Variants in KCTD2 observed in about 807,000 individuals in gnomAD.
KCTD2 encodes the protein BTB/POZ domain-containing protein KCTD2.
Under a neutral mutation model 27.9 loss-of-function variants are expected in KCTD2, and 18 were observed. That is an observed-to-expected ratio of 0.64 (90% CI 0.45 to 0.96). The LOEUF (loss-of-function observed/expected upper bound fraction) is 0.96. KCTD2 is among the 40% of genes least tolerant of loss of function. The probability of loss-of-function intolerance (pLI) is 0.00; values close to 1 mark genes in which losing one functional copy is unlikely to be tolerated. For missense variants in KCTD2, 280 were observed against 348.0 expected, an observed-to-expected ratio of 0.80 and a Z score of 1.56; for synonymous variants, 175 against 148.4, an observed-to-expected ratio of 1.18 and a Z score of -1.30.
rs2040076654 is a variant in KCTD2, at chr17:75,032,634, A to C, written c.-560A>C. 1 of 152,900 alleles carries C rather than the reference A, an allele frequency of 6.5e-6. No individual in the cohort carries two copies. The highest frequency in any genetic ancestry group is 2.4e-5 in the African/African-American group (1 of 41,410). 9.5% of individuals were successfully genotyped at this position (152,900 alleles called of 1,614,324 possible). On this transcript the variant is annotated 5_prime_UTR_variant, in exon 1 of 8. Coordinates refer to the KCTD2 transcript ENST00000581589. The surrounding 1 kb of genome is among the most constrained non-coding windows in gnomAD (Gnocchi z 4.8). ...GGTGATGCCCAGGAGAGGGAATGGAAACCTGGAGCTGGGAGTGAGGTTAGA... is the reference window on the plus strand; with the variant it reads ...GGTGATGCCCAGGAGAGGGAATGGACACCTGGAGCTGGGAGTGAGGTTAGA...
At chr17:75,038,238 G>A (rs866574728) in intron 3 of KCTD2, among the ~76,000 whole-genome samples, 3 of 151,844 alleles carry the variant, frequency 2.0e-5, no homozygotes, top group African/African-American at 7.2e-5. Flanking sequence ...CTCAAGCTGA[G>A]GCCAAGATGC....
intron 3 of KCTD2, chr17:75,041,447 C>CA (rs386386616): frequency 0.23 from 25,429 of 108,848 alleles, 4,044 homozygotes; most frequent in East Asian, 0.58. Context: ...CTGTCTCTAC[C>CA]AAAAAAAAAA....
At chr17:75,035,221 C>T (rs551977246) in intron 2 of KCTD2, 1 of 152,052 alleles carries the variant, frequency 6.6e-6, no homozygotes, top group South Asian at 2.1e-4. Flanking sequence ...ATCTTCCCTC[C>T]CTTGTTTTAG....
At chr17:75,034,478 T>G (rs748092199) in intron 2 of KCTD2, among the ~76,000 whole-genome samples, 1 of 152,142 alleles carries the variant, frequency 6.6e-6, no homozygotes, top group African/African-American at 2.4e-5. Context: ...AGGAGGCCAG[T>G]GCCTTATCCA....
rs771427575 is a variant in KCTD2, at chr17:75,049,191, A to T, written c.340-29A>T. On this transcript the variant is annotated intron_variant, in intron 1 of 5. Transcript: ENST00000322444. ...TGTTTAAAATACTCCTCAAAGGTCC[A>T]CAATGATACCCTTGTGTTTGGTTGG... is the stretch of plus-strand genomic sequence containing the variant. 5 of 1,400,042 alleles carry T rather than the reference A, an allele frequency of 3.6e-6. No homozygotes were observed. In the East Asian group the frequency reaches 1.1e-4, roughly 32 times the overall value. 86.7% of individuals were successfully genotyped at this position (1,400,042 alleles called of 1,614,324 possible). A position where few individuals can be genotyped will look rare whatever the true frequency, so the allele number is the denominator to read the frequency against.
chr17:75,058,750 A>T (rs1454478024), intron 3 of KCTD2, among the ~76,000 whole-genome samples: 1 of 151,658 alleles, frequency 6.6e-6, no homozygotes, highest in African/African-American at 2.4e-5. Flanking sequence ...GTGAGCTGAG[A>T]TCGCGCCACT....
chr17:75,062,978 C>G, intron 5 of KCTD2, 40 bp from the exon 6 acceptor site: 1 of 1,611,002 alleles, frequency 6.2e-7, no homozygotes, highest in Non-Finnish European at 8.5e-7. Context: ...TCTGTCTTTC[C>G]CTCAGCAGCC....
chr17:75,033,719 G>A (rs984353076), intron 1 of KCTD2, among the ~76,000 whole-genome samples: 12 of 152,230 alleles, frequency 7.9e-5, no homozygotes, highest in African/African-American at 9.6e-5. Flanking sequence ...CGGGGGCTGG[G>A]GGCTGGTGCT....
chr17:75,038,899 T>A (rs2073128439), intron 3 of KCTD2: 1 of 1,599,224 alleles, frequency 6.3e-7, no homozygotes, highest in South Asian at 1.1e-5. Context: ...GAATGTGTAA[T>A]ACAAGGGCCA....
At chr17:75,047,094 C>A (rs1375614775), upstream of KCTD2, 3 of 275,798 alleles carry the variant, frequency 1.1e-5, no homozygotes, top group Admixed American at 5.3e-5. Context: ...GCGGGCACAG[C>A]GCCTCCCCCG....
At position 75,047,569 on chromosome 17, in the gene KCTD2, C is replaced by T; in HGVS notation, c.319C>T (p.Pro107Ser). 1.2e-6 allele frequency: 2 copies of T among 1,610,216 alleles called. No individual in the cohort carries two copies. Among genetic ancestry groups the T allele is most frequent in the Non-Finnish European group, 1.7e-6 (2 of 1,178,646 alleles). The change falls in exon 1 of 6, where the codon CCG becomes TCG. Residue 107 changes from proline to serine, a missense_variant. Transcript: ENST00000322444. ...CTGCCGCCTCTGCTGCCAGGAGGACCCGGAGCTGGACTCAGACAAGGTGTG... is the reference window on the plus strand; with the variant it reads ...CTGCCGCCTCTGCTGCCAGGAGGACTCGGAGCTGGACTCAGACAAGGTGTG... ...FLCRLCCQED[P>S]ELDSDKDETG...
intron 3 of KCTD2, chr17:75,042,133 C>T: frequency 5.9e-6 from 9 of 1,516,118 alleles, no homozygotes; most frequent in Non-Finnish European, 5.5e-6. Flanking sequence ...CTGCTCCCTA[C>T]CCACAGGCAT....
chr17:75,046,246 CTAATT>C (rs139924151), upstream of KCTD2, among the ~76,000 whole-genome samples: 3,571 of 152,210 alleles, frequency 0.023, 52 homozygotes, highest in Non-Finnish European at 0.035. Flanking sequence ...CCACGCCCAG[CTAATT>C]TTTTGTATTT....
At chr17:75,043,694 T>C (rs187791223), upstream of KCTD2, among the ~76,000 whole-genome samples, 1 of 152,160 alleles carries the variant, frequency 6.6e-6, no homozygotes, top group East Asian at 1.9e-4. Flanking sequence ...AACACTCTTA[T>C]TGCATAAAAG....
chr17:75,048,973 AATGAGT>A (rs2073258122), intron 1 of KCTD2: 1 of 334,184 alleles, frequency 3.0e-6, no homozygotes, highest in Non-Finnish European at 5.4e-6. Flanking sequence ...TAAACGCCTA[AATGAGT>A]ATGACTGTCT....
chr17:75,040,296 T>A, intron 3 of KCTD2: 1 of 1,028,330 alleles, frequency 9.7e-7, no homozygotes, highest in Non-Finnish European at 1.5e-6. Context: ...TGAAAGACAT[T>A]CTGTGTCCCA....
chr17:75,033,983 T>C (rs534482427), intron 1 of KCTD2: 4 of 152,100 alleles, frequency 2.6e-5, no homozygotes, highest in African/African-American at 7.2e-5. Flanking sequence ...GGGGTAGAGG[T>C]GAAAGTTCCT....
chr17:75,046,748 T>C (rs1444421401), upstream of KCTD2, among the ~76,000 whole-genome samples: 1 of 150,962 alleles, frequency 6.6e-6, no homozygotes, highest in Non-Finnish European at 1.5e-5. Flanking sequence ...CAAGGAGGGC[T>C]GAGGAAGGGA....
chr17:75,060,506 G>A (rs550359261), intron 4 of KCTD2: 226 of 1,612,312 alleles, frequency 1.4e-4, no homozygotes, highest in Admixed American at 2.8e-4. Flanking sequence ...AGACAACAGC[G>A]CGACAGCCAA....
Sources: gnomAD v4.1 joint callset for allele counts (sites outside exome capture counted in the v4.1 genomes callset) on GRCh38, gnomAD v4.1.1 for gene constraint, Gnocchi (gnomAD v3.1) non-coding constraint, MANE v1.5 for transcripts, NCBI Gene and HGNC (gene_info 2026-07-23, HGNC 2026-07-21) for gene names.